The following ZNF112 variants were observed in gnomAD, a reference collection of about 807,000 sequenced individuals.
ZNF112 encodes zinc finger protein 112.
A neutral mutation model predicts 77.7 loss-of-function variants in ZNF112; 37 were observed. The ratio of observed to expected loss-of-function variants is 0.48; its 90% CI spans 0.37 to 0.63. The LOEUF is 0.63. Among genes scored for constraint, ZNF112 ranks in the 20% least tolerant of loss-of-function variants. The pLI is 0.00. For missense variants in ZNF112, 950 were observed against 1,077.4 expected (o/e 0.88, Z 1.66); for synonymous variants, 333 against 363.6 (o/e 0.92, Z 0.96).
intron 1 of ZNF112, 87 bp from the exon 2 acceptor site, chr19:44,340,629 T>A: frequency 6.3e-7 from 1 of 1,589,426 alleles, no homozygotes; most frequent in Non-Finnish European, 8.6e-7. Flanking sequence ...TTCTGGAGTC[T>A]GGGCAACTTG....
intron 1 of ZNF112, among the ~76,000 whole-genome samples, chr19:44,352,556 A>C (rs1183968527): frequency 1.3e-5 from 2 of 152,124 alleles, no homozygotes; most frequent in African/African-American, 4.8e-5. Context: ...GGAAGAAATA[A>C]AACTGACCCT....
At position 44,365,385 on chromosome 19, in the gene ZNF112, G is replaced by A. The variant is rs182866728; in HGVS notation, c.17+1696C>T. Among the ~76,000 whole-genome samples the A allele has an allele frequency of 3.7e-3, 561 of 152,110 alleles. 3 individuals carry two copies. Among genetic ancestry groups the A allele is most frequent in the African/African-American group, 0.013 (549 of 41,484 alleles). Reference sequence around the variant, plus strand: ...TGAGGTGGGAGGATCAACTGAACCTGGGAGTTCGAGGCTGCAGTGAGCTGT... The same window carrying A: ...TGAGGTGGGAGGATCAACTGAACCTAGGAGTTCGAGGCTGCAGTGAGCTGT... On this transcript the variant is annotated intron_variant, in intron 1 of 4. Coordinates refer to the ZNF112 transcript ENST00000588057.
chr19:44,361,230 T>G (rs116809936), upstream of ZNF112, among the ~76,000 whole-genome samples: 5,561 of 152,182 alleles, frequency 0.037, 340 homozygotes, highest in African/African-American at 0.13. Flanking sequence ...GTGGTTTCTT[T>G]TTATGGGGAA....
rs569405526 is a variant in ZNF112, at chr19:44,329,274, G to T, written c.883C>A (p.Leu295Ile). 3.7e-6 allele frequency: 6 copies of T among 1,613,900 alleles called. No individual in the cohort carries two copies. The African/African-American group carries it at 6.7e-5, about 18-fold the overall frequency. Residue 295 changes from leucine to isoleucine, a missense_variant, in exon 4 of 4, where the codon CTT becomes ATT. By Grantham distance (5) the Leu-to-Ile change is conservative. Transcript: ENST00000354340. ...CGKGCNYSSL[L>I]HIHQNIERED... ...CTCTCAATATTTTGATGAATATGAA[G>T]AAGTGAACTATAATTACAGCCCTTT...
rs777251216 is a variant in ZNF112, at chr19:44,329,305, T to C, written c.852A>G (p.Ser284=). 1.6e-5 allele frequency: 26 copies of C among 1,614,018 alleles called. 1 individual carries two copies. In the Admixed American group the frequency reaches 4.3e-4, roughly 27 times the overall value. Residue 284 remains serine, a synonymous_variant, in exon 4 of 4, where the codon TCA becomes TCG. Transcript: ENST00000354340. ...HLEGKPYTYS[S]CGKGCNYSSL... is the part of the protein sequence containing the mutation. ...AACTATAATTACAGCCCTTTCCACA[T>C]GAACTGTATGTATAGGGCTTCCCTT...
At chr19:44,341,035 G>A in intron 1 of ZNF112, 1 of 417,934 alleles carries the variant, frequency 2.4e-6, no homozygotes, top group South Asian at 1.8e-5. Context: ...GTCTGGATCT[G>A]GGCGCTCTGC....
In ZNF112 at chr19:44,329,609, T is replaced by G. The variant is rs753043543; in HGVS notation, c.548A>C (p.Lys183Thr). The G allele has an allele frequency of 6.2e-7, 1 of 1,614,158 alleles. No individual in the cohort carries two copies. The highest frequency in any genetic ancestry group is 8.5e-7 in the Non-Finnish European group (1 of 1,180,016). ...AHHSWRKMYL[K>T]ESHNYQCRCQ... is the part of the protein sequence containing the mutation. ...TCTACACTGATAATTATGTGACTCT[T>G]TCAGATACATTTTCCTCCAAGAATG... is the stretch of plus-strand genomic sequence containing the variant. Residue 183 changes from lysine (K) to threonine (T), a missense_variant, in exon 4 of 4, where the codon AAA (lysine) becomes ACA (threonine). By Grantham distance (78) the Lys-to-Thr change is moderately conservative. Around this residue, in one of 3 missense-constraint regions of ZNF112, gnomAD observed 560 missense variants for 557.3 expected, o/e 1.00. Transcript: ENST00000354340.
intron 1 of ZNF112, among the ~76,000 whole-genome samples, chr19:44,365,021 C>G (rs2571072): frequency 6.6e-6 from 1 of 151,554 alleles, no homozygotes; most frequent in African/African-American, 2.4e-5. Context: ...TGTTCCCTTC[C>G]CTTTTCGTTT....
At chr19:44,344,090 A>G (rs1363178467) in intron 1 of ZNF112, among the ~76,000 whole-genome samples, 1 of 152,206 alleles carries the variant, frequency 6.6e-6, no homozygotes, top group Admixed American at 6.5e-5. Flanking sequence ...CCCACAGGGT[A>G]CAACAAAAGA....
chr19:44,349,061 A>C (rs1970646799), intron 1 of ZNF112, among the ~76,000 whole-genome samples: 1 of 152,122 alleles, frequency 6.6e-6, no homozygotes. Flanking sequence ...AATTACATGA[A>C]ACTCAAATTT....
chr19:44,327,886 G>A lies in ZNF112; in HGVS notation c.2271C>T (p.Arg757=), dbSNP rs1350295374. The A allele has an allele frequency of 1.2e-6, 2 of 1,612,970 alleles. No homozygotes were observed. The highest frequency in any genetic ancestry group is 3.3e-5 in the Admixed American group (2 of 59,874). ...MCGKGFSQSS[R]LEAHRRVHTG... ...TGTGAACCCTCCGATGTGCTTCAAGGCGCGAACTCTGACTAAAGCCCTTCC... is the reference window on the plus strand; with the variant it reads ...TGTGAACCCTCCGATGTGCTTCAAGACGCGAACTCTGACTAAAGCCCTTCC... The change falls in exon 4 of 4, where the codon CGC becomes CGT. Residue 757 remains arginine, a synonymous_variant. Coordinates refer to ENST00000354340, the MANE Select transcript of ZNF112 (RefSeq NM_013380.4).
At chr19:44,330,328 A>C (rs1029864203) in intron 3 of ZNF112, among the ~76,000 whole-genome samples, 6 of 152,222 alleles carry the variant, frequency 3.9e-5, no homozygotes, top group African/African-American at 1.4e-4. Flanking sequence ...AGGGATATTT[A>C]ACCTACATAC....
intron 1 of ZNF112, among the ~76,000 whole-genome samples, chr19:44,340,927 T>A (rs993545060): frequency 6.6e-6 from 1 of 152,182 alleles, no homozygotes; most frequent in Admixed American, 6.5e-5. Context: ...ATTTACAGGG[T>A]ATCAGTCATC....
In ZNF112 at chr19:44,340,475, A is replaced by C. The variant is rs755609582; in HGVS notation, c.65T>G (p.Val22Gly). The change falls in exon 2 of 4, where the codon GTC becomes GGC. Residue 22 changes from valine to glycine, a missense_variant. Physicochemically the swap from Val to Gly is moderately radical, Grantham distance 109. Transcript: ENST00000354340. ...CACATCTCGGTACAGCTTCCTCTGG[A>C]CAGAGTCCAGCAGCCCCAGCTCCTC... is the stretch of plus-strand genomic sequence containing the variant. ...TEEELGLLDS[V>G]QRKLYRDVML... 1.9e-6 allele frequency: 3 copies of C among 1,614,012 alleles called. No homozygotes were observed. The East Asian group carries it at 6.7e-5, about 36-fold the overall frequency.
intron 1 of ZNF112, among the ~76,000 whole-genome samples, chr19:44,351,631 C>A (rs572592434): frequency 1.3e-5 from 2 of 151,818 alleles, no homozygotes; most frequent in East Asian, 1.9e-4. Flanking sequence ...ATATAAATAC[C>A]TAAATAATAG....
chr19:44,332,792 TG>T (rs1422429884), intron 3 of ZNF112, among the ~76,000 whole-genome samples: 1 of 152,200 alleles, frequency 6.6e-6, no homozygotes, highest in African/African-American at 2.4e-5. Flanking sequence ...CAGTGGGTTT[TG>T]CAATGTTAAG....
In ZNF112 at chr19:44,329,552, C is replaced by G. The variant is rs769663869; in HGVS notation, c.605G>C (p.Cys202Ser). ...CQQISMKNHF[C>S]KCDSVSWLSH... ...GAGCCAACTGACACTGTCACACTTA[C>G]AGAAATGATTTTTCATGGAAATTTG... Residue 202 changes from cysteine (C) to serine (S), a missense_variant, in exon 4 of 4, where the codon TGT (cysteine) becomes TCT (serine). By Grantham distance (112) the Cys-to-Ser change is moderately radical. Around this residue, in one of 3 missense-constraint regions of ZNF112, gnomAD observed 560 missense variants for 557.3 expected, o/e 1.00. Transcript: ENST00000354340. 8.7e-6 allele frequency: 14 copies of G among 1,614,030 alleles called. No individual in the cohort carries two copies. In the East Asian group the frequency reaches 2.7e-4, roughly 31 times the overall value.
intron 1 of ZNF112, among the ~76,000 whole-genome samples, chr19:44,341,511 T>C (rs531167518): frequency 7.9e-5 from 12 of 152,350 alleles, no homozygotes; most frequent in African/African-American, 2.9e-4. Flanking sequence ...CTTAGCCTTC[T>C]TCCAAGAAAG....
At chr19:44,366,348 T>A (rs1481883925) in intron 1 of ZNF112, among the ~76,000 whole-genome samples, 2 of 152,128 alleles carry the variant, frequency 1.3e-5, no homozygotes, top group African/African-American at 4.8e-5. Context: ...TTTTCCAGTA[T>A]AAGGAGGGGA....
Sources: gnomAD v4.1 joint callset for allele counts (sites outside exome capture counted in the v4.1 genomes callset) on GRCh38, gnomAD v4.1.1 for gene constraint, gnomAD v4.1.1 regional missense constraint, MANE v1.5 for transcripts, NCBI Gene and HGNC (gene_info 2026-07-23, HGNC 2026-07-21) for gene names.